CCDC178: variants seen among roughly 807,000 people sequenced by gnomAD.
CCDC178 encodes coiled-coil domain-containing protein 178.
CCDC178 carries 126 observed loss-of-function variants against 117.4 expected under a neutral mutation model. The ratio of observed to expected loss-of-function variants is 1.07; its 90% CI spans 0.93 to 1.24. The LOEUF (loss-of-function observed/expected upper bound fraction) is 1.24, where lower values mean the gene tolerates loss of function less well. Ranked by LOEUF, CCDC178 falls within the 50% of genes most tolerant of loss-of-function variation. CCDC178 has a pLI of 0.00. For synonymous variants in CCDC178, 283 were observed against 313.4 expected (o/e 0.90, Z 1.02); for missense variants, 1,030 against 986.9 (o/e 1.04, Z -0.59).
intron 20 of CCDC178, among the ~76,000 whole-genome samples, chr18:33,193,717 T>C (rs2058891162): frequency 6.6e-6 from 1 of 152,242 alleles, no homozygotes; most frequent in Middle Eastern, 3.2e-3. Context: ...ACTGTTATAG[T>C]AAACTATATT....
At chr18:32,950,458 A>C (rs981441628) in intron 22 of CCDC178, among the ~76,000 whole-genome samples, 2 of 152,170 alleles carry the variant, frequency 1.3e-5, no homozygotes, top group Non-Finnish European at 2.9e-5. Context: ...TGCTTTGTTC[A>C]GTGATTGGTT....
chr18:33,029,273 C>T (rs1031688355), intron 21 of CCDC178, among the ~76,000 whole-genome samples: 4 of 152,066 alleles, frequency 2.6e-5, no homozygotes, highest in Admixed American at 2.6e-4. Context: ...ACATGAGTCT[C>T]ACCTGAATTA....
At chr18:32,970,988 T>C (rs1480024942) in intron 22 of CCDC178, among the ~76,000 whole-genome samples, 2 of 152,014 alleles carry the variant, frequency 1.3e-5, no homozygotes, top group Admixed American at 1.3e-4. Context: ...GTTTTATTTA[T>C]TTATATTTTA....
chr18:33,226,027 G>A (rs931213056), intron 16 of CCDC178, among the ~76,000 whole-genome samples: 1 of 152,126 alleles, frequency 6.6e-6, no homozygotes, highest in Admixed American at 6.6e-5. Context: ...TGGGCATGGT[G>A]GTGCATGCCT....
At chr18:33,318,035 C>A (rs1249081689) in intron 11 of CCDC178, among the ~76,000 whole-genome samples, 1 of 152,144 alleles carries the variant, frequency 6.6e-6, no homozygotes, top group Non-Finnish European at 1.5e-5. Flanking sequence ...AAGCAGCACT[C>A]TGGTTCTGGG....
At chr18:33,394,821 A>G (rs2063609259) in intron 4 of CCDC178, among the ~76,000 whole-genome samples, 1 of 150,396 alleles carries the variant, frequency 6.6e-6, no homozygotes, top group African/African-American at 2.4e-5. Context: ...TCCTCTTATT[A>G]TAAATGTATA....
chr18:33,128,657 G>T (rs369363597), intron 20 of CCDC178, among the ~76,000 whole-genome samples: 44 of 152,088 alleles, frequency 2.9e-4, no homozygotes, highest in African/African-American at 1.0e-3. Context: ...TTACTGAGTC[G>T]AGATGTCCAT....
intron 10 of CCDC178, chr18:33,328,026 C>A: frequency 2.7e-6 from 1 of 374,102 alleles, no homozygotes. Context: ...ATTTTTCTAT[C>A]AGTGTCATAT....
intron 20 of CCDC178, among the ~76,000 whole-genome samples, chr18:33,209,984 G>A (rs1386155121): frequency 1.3e-5 from 2 of 151,934 alleles, no homozygotes; most frequent in Non-Finnish European, 2.9e-5. Context: ...TCTGCACCCA[G>A]GATGAGTTTG....
In CCDC178 at chr18:33,370,200, C is replaced by A; in HGVS notation, c.209-11G>T. The stretch of plus-strand genomic sequence containing the variant: ...TGCCTTTATTCACCCCTAAAGAGAA[C>A]AAATAGAAGTTCATTACTCATTCTA... On this transcript the variant is annotated splice_polypyrimidine_tract_variant and intron_variant, in intron 5 of 22. Transcript: ENST00000383096. 1.3e-6 allele frequency: 2 copies of A among 1,577,854 alleles called. No homozygotes were observed. The highest frequency in any genetic ancestry group is 1.7e-6 in the Non-Finnish European group (2 of 1,164,432).
At chr18:33,226,344 A>G (rs527385135) in intron 16 of CCDC178, among the ~76,000 whole-genome samples, 1 of 152,342 alleles carries the variant, frequency 6.6e-6, no homozygotes, top group African/African-American at 2.4e-5. Context: ...CAGGTGGTAG[A>G]CAAAGATTTT....
At chr18:32,997,701 T>C (rs1300152239) in intron 21 of CCDC178, among the ~76,000 whole-genome samples, 1 of 152,102 alleles carries the variant, frequency 6.6e-6, no homozygotes, top group Non-Finnish European at 1.5e-5. Flanking sequence ...ATATTATCTA[T>C]CTATTCGTCT....
At chr18:33,146,784 C>T (rs1017217695) in intron 20 of CCDC178, among the ~76,000 whole-genome samples, 5 of 152,108 alleles carry the variant, frequency 3.3e-5, no homozygotes, top group Admixed American at 2.6e-4. Context: ...GATATGAGAA[C>T]AAAGAAATAA....
Position 33,073,559 on chromosome 18 carries a change from A to C in CCDC178, c.2388+19202T>G, listed in dbSNP as rs1231934906. 4.7e-5 allele frequency among the ~76,000 whole-genome samples: 7 copies of C among 148,628 alleles called. No individual in the cohort carries two copies. The East Asian group carries it at 5.8e-4, about 12-fold the overall frequency. ...TCTATCTATCTATCTATCTATATAT[A>C]TATCTTTGCAGACTTTCAGATTATT... is the stretch of plus-strand genomic sequence containing the variant. On this transcript the variant is annotated intron_variant, in intron 21 of 22. Coordinates refer to ENST00000383096, the MANE Select transcript of CCDC178 (RefSeq NM_001105528.4).
chr18:33,136,055 G>T (rs1466115242), intron 20 of CCDC178: 1 of 152,160 alleles, frequency 6.6e-6, no homozygotes, highest in Non-Finnish European at 1.5e-5. Context: ...CTGATCCTGG[G>T]TTGTTATTTT....
At position 33,425,069 on chromosome 18, in the gene CCDC178, C is replaced by A. The variant is rs757962499; in HGVS notation, c.-22-12959G>T. On this transcript the variant is annotated intron_variant, in intron 2 of 22. Coordinates refer to ENST00000383096, the MANE Select transcript of CCDC178 (RefSeq NM_001105528.4). Reference sequence around the variant, plus strand: ...GGCACATATATACGTATGTAACAAACCTGTAAGTTCTGTACATGTATCCTG... The same window carrying A: ...GGCACATATATACGTATGTAACAAAACTGTAAGTTCTGTACATGTATCCTG... 9.2e-5 allele frequency among the ~76,000 whole-genome samples: 14 copies of A among 152,224 alleles called. No individual in the cohort carries two copies. In the South Asian group the frequency reaches 2.9e-3, roughly 32 times the overall value.
intron 12 of CCDC178, among the ~76,000 whole-genome samples, chr18:33,277,311 T>C (rs1178275720): frequency 6.6e-6 from 1 of 152,036 alleles, no homozygotes; most frequent in Non-Finnish European, 1.5e-5. Context: ...GTTAGAAGAA[T>C]TAATAAAAGA....
chr18:33,128,402 T>C (rs1017864505), intron 20 of CCDC178, among the ~76,000 whole-genome samples: 5 of 152,168 alleles, frequency 3.3e-5, no homozygotes, highest in Non-Finnish European at 5.9e-5. Context: ...TTTGGGACAA[T>C]TTGTGGGAAA....
intron 12 of CCDC178, among the ~76,000 whole-genome samples, chr18:33,280,926 G>C (rs1456493882): frequency 6.6e-6 from 1 of 152,076 alleles, no homozygotes; most frequent in African/African-American, 2.4e-5. Context: ...ACACAGGAAG[G>C]GGAACATCAC....
Sources: gnomAD v4.1 joint callset for allele counts (sites outside exome capture counted in the v4.1 genomes callset) on GRCh38, gnomAD v4.1.1 for gene constraint, MANE v1.5 for transcripts, NCBI Gene and HGNC (gene_info 2026-07-23, HGNC 2026-07-21) for gene names.